The following SOHLH2 variants were observed in gnomAD, a reference collection of about 807,000 sequenced individuals.
The protein encoded by SOHLH2 is spermatogenesis- and oogenesis-specific basic helix-loop-helix-containing protein 2.
In SOHLH2, 22 loss-of-function variants were observed where a neutral mutation model predicts 50.4. The ratio of observed to expected loss-of-function variants is 0.44; its 90% CI spans 0.31 to 0.62. The LOEUF (loss-of-function observed/expected upper bound fraction) is 0.62, where lower values mean the gene tolerates loss of function less well. Ranked by LOEUF, SOHLH2 falls within the 20% of genes least tolerant of loss-of-function variation. The probability of loss-of-function intolerance (pLI) is 0.08; values close to 1 mark genes in which losing one functional copy is unlikely to be tolerated. For synonymous variants in SOHLH2, 185 were observed against 187.3 expected (o/e 0.99, Z 0.10); for missense variants, 412 against 504.4 (o/e 0.82, Z 1.76).
intron 2 of SOHLH2, among the ~76,000 whole-genome samples, chr13:36,201,049 A>AG (rs1887888397): frequency 1.9e-5 from 1 of 51,834 alleles, no homozygotes; most frequent in African/African-American, 7.7e-5. Context: ...ACTCTGCCTC[A>AG]AAAAAAAAAA....
At chr13:36,177,243 A>G (rs1887119081) in intron 6 of SOHLH2, among the ~76,000 whole-genome samples, 1 of 152,150 alleles carries the variant, frequency 6.6e-6, no homozygotes, top group Non-Finnish European at 1.5e-5. Flanking sequence ...GGGGCTAACC[A>G]TATCAGCAGT....
intron 2 of SOHLH2, 73 bp downstream of exon 2, chr13:36,201,806 T>C: frequency 6.4e-7 from 1 of 1,571,850 alleles, no homozygotes; most frequent in Non-Finnish European, 8.6e-7. Context: ...TATCATCTTT[T>C]TAGGAGTTTT....
At chr13:36,212,334 T>C (rs185985571) in intron 1 of SOHLH2, among the ~76,000 whole-genome samples, 140 of 152,330 alleles carry the variant, frequency 9.2e-4, no homozygotes, top group Middle Eastern at 6.8e-3. Flanking sequence ...ATCAGTGCCA[T>C]AGCACACTTG....
Position 36,168,940 on chromosome 13 carries a change from T to C in SOHLH2, c.*94A>G. 8 of 1,534,528 alleles carry C rather than the reference T, an allele frequency of 5.2e-6. No individual in the cohort carries two copies. The highest frequency in any genetic ancestry group is 7.0e-6 in the Non-Finnish European group (8 of 1,143,136). Reference sequence around the variant, plus strand: ...ACTCTTTTGATATTAGGTCTTTGGGTGGAGCTTTCAAAATCATTCTTTGTT... The same window carrying C: ...ACTCTTTTGATATTAGGTCTTTGGGCGGAGCTTTCAAAATCATTCTTTGTT... On this transcript the variant is annotated 3_prime_UTR_variant, in exon 11 of 11. Coordinates refer to ENST00000379881, the MANE Select transcript of SOHLH2 (RefSeq NM_017826.3).
intron 2 of SOHLH2, among the ~76,000 whole-genome samples, chr13:36,196,267 G>A (rs903964852): frequency 1.3e-5 from 2 of 151,854 alleles, no homozygotes; most frequent in Admixed American, 6.6e-5. Flanking sequence ...TGGGACTACA[G>A]GTGTGTGCCA....
intron 6 of SOHLH2, among the ~76,000 whole-genome samples, chr13:36,187,586 C>T (rs1253235090): frequency 6.6e-6 from 1 of 152,144 alleles, no homozygotes; most frequent in African/African-American, 2.4e-5. Context: ...CCATCCCATC[C>T]CATCAAGCCC....
At chr13:36,178,157 T>G (rs1413628318) in intron 6 of SOHLH2, among the ~76,000 whole-genome samples, 1 of 152,096 alleles carries the variant, frequency 6.6e-6, no homozygotes, top group African/African-American at 2.4e-5. Context: ...TAACCACATG[T>G]TGCTAGTGGC....
intron 6 of SOHLH2, among the ~76,000 whole-genome samples, chr13:36,188,838 C>T (rs974498279): frequency 2.0e-5 from 3 of 152,150 alleles, no homozygotes; most frequent in African/African-American, 4.8e-5. Context: ...CTATATCCAT[C>T]CCTATGTCCA....
At chr13:36,190,441 A>AC (rs1887542802) in intron 5 of SOHLH2, among the ~76,000 whole-genome samples, 1 of 152,152 alleles carries the variant, frequency 6.6e-6, no homozygotes, top group South Asian at 2.1e-4. Flanking sequence ...GACAAGATAC[A>AC]CCCTAGGCCA....
At chr13:36,188,018 C>T (rs1257268530) in intron 6 of SOHLH2, among the ~76,000 whole-genome samples, 1 of 152,110 alleles carries the variant, frequency 6.6e-6, no homozygotes, top group Non-Finnish European at 1.5e-5. Context: ...CTCTAGGAGC[C>T]CTAAGCCACC....
At chr13:36,181,162 T>C (rs1404977763) in intron 6 of SOHLH2, among the ~76,000 whole-genome samples, 1 of 152,220 alleles carries the variant, frequency 6.6e-6, no homozygotes. Flanking sequence ...GTCTACTTTA[T>C]TTGATATTAA....
chr13:36,187,800 T>C lies in SOHLH2; in HGVS notation c.641+2146A>G, dbSNP rs187442562. Among the ~76,000 whole-genome samples the C allele has an allele frequency of 2.6e-5, 4 of 152,316 alleles. No homozygotes were observed. The East Asian group carries it at 7.7e-4, about 29-fold the overall frequency. ...CCCTTGCCTTCTGCCTCCTCAGGGA[T>C]GCTCACTCCATCACCAACACCTCCT... On this transcript the variant is annotated intron_variant, in intron 6 of 10. Transcript: ENST00000379881.
chr13:36,208,770 A>T (rs1868933602), intron 1 of SOHLH2, among the ~76,000 whole-genome samples: 1 of 152,204 alleles, frequency 6.6e-6, no homozygotes, highest in Admixed American at 6.5e-5. Flanking sequence ...GTCTGATAGC[A>T]TCAGAGTCCT....
chr13:36,199,185 G>T (rs1887821583), intron 2 of SOHLH2, among the ~76,000 whole-genome samples: 1 of 152,216 alleles, frequency 6.6e-6, no homozygotes, highest in South Asian at 2.1e-4. Flanking sequence ...GTTGAAAACT[G>T]GAAACATCCT....
intron 4 of SOHLH2, among the ~76,000 whole-genome samples, chr13:36,193,313 T>C (rs761683460): frequency 6.6e-6 from 1 of 152,194 alleles, no homozygotes; most frequent in Non-Finnish European, 1.5e-5. Context: ...AATCACACAA[T>C]GACACAGCAC....
At chr13:36,203,791 T>C (rs1302555535) in intron 1 of SOHLH2, among the ~76,000 whole-genome samples, 1 of 152,232 alleles carries the variant, frequency 6.6e-6, no homozygotes, top group East Asian at 1.9e-4. Context: ...AATTTGCATT[T>C]TATTATCACA....
chr13:36,196,547 T>C (rs561795997), intron 2 of SOHLH2, among the ~76,000 whole-genome samples: 1 of 152,192 alleles, frequency 6.6e-6, no homozygotes, highest in South Asian at 2.1e-4. Context: ...AAGAAAATTA[T>C]TGGGTAGTTT....
intron 6 of SOHLH2, among the ~76,000 whole-genome samples, chr13:36,180,769 G>A (rs1330889729): frequency 1.3e-5 from 2 of 151,162 alleles, no homozygotes; most frequent in Non-Finnish European, 2.9e-5. Flanking sequence ...TGAATGTTTT[G>A]AAGCTTCTTA....
At chr13:36,174,666 T>C (rs1887054533) in intron 7 of SOHLH2, 56 bp downstream of exon 7, 8 of 1,596,618 alleles carry the variant, frequency 5.0e-6, no homozygotes, top group East Asian at 2.2e-5. Context: ...GAAGTAAAAT[T>C]GTAGTATTAA....
Sources: gnomAD v4.1 joint callset for allele counts (sites outside exome capture counted in the v4.1 genomes callset) on GRCh38, gnomAD v4.1.1 for gene constraint, MANE v1.5 for transcripts, NCBI Gene and HGNC (gene_info 2026-07-23, HGNC 2026-07-21) for gene names.